Variants in PRRX1 observed in about 807,000 individuals in gnomAD.
PRRX1 encodes paired mesoderm homeobox protein 1.
Under a neutral mutation model 24.0 loss-of-function variants are expected in PRRX1, and 8 were observed. The ratio of observed to expected loss-of-function variants is 0.33; its 90% CI spans 0.20 to 0.60. PRRX1 has a LOEUF of 0.60. PRRX1 is among the 20% of genes least tolerant of loss of function. The pLI, the probability that PRRX1 is intolerant of heterozygous loss-of-function variation, is 0.82. For synonymous variants in PRRX1, 160 were observed against 131.7 expected (o/e 1.22, Z -1.47); for missense variants, 281 against 322.4 (o/e 0.87, Z 0.98).
At chr1:170,700,094 C>A (rs1330904325) in intron 1 of PRRX1, among the ~76,000 whole-genome samples, 1 of 152,140 alleles carries the variant, frequency 6.6e-6, no homozygotes, top group Non-Finnish European at 1.5e-5. Flanking sequence ...GGGTTACAAA[C>A]TTAAAAATGT....
Position 170,664,132 on chromosome 1 carries a change from C to G in PRRX1, c.-87C>G. ...CCACTACCCCCCTCTTTCTTCCCCA[C>G]TCGGCTCCTCTCCCCCCTCGCGCCC... is the stretch of plus-strand genomic sequence containing the variant. On this transcript the variant is annotated 5_prime_UTR_variant, in exon 1 of 4. Transcript: ENST00000239461. 1 of 1,329,424 alleles carries G rather than the reference C, an allele frequency of 7.5e-7. No homozygotes were observed. The highest frequency in any genetic ancestry group is 1.0e-6 in the Non-Finnish European group (1 of 972,958). 82.4% of individuals were successfully genotyped at this position (1,329,424 alleles called of 1,614,324 possible). A position where few individuals can be genotyped will look rare whatever the true frequency, so the allele number is the denominator to read the frequency against.
intron 2 of PRRX1, among the ~76,000 whole-genome samples, chr1:170,722,030 A>G (rs913453024): frequency 4.0e-5 from 6 of 151,246 alleles, no homozygotes; most frequent in Admixed American, 1.3e-4. Flanking sequence ...TCTTGCCCCT[A>G]TCATGACAGG....
At chr1:170,729,047 G>A (rs1244495294) in intron 3 of PRRX1, 1 of 152,174 alleles carries the variant, frequency 6.6e-6, no homozygotes, top group Non-Finnish European at 1.5e-5. Context: ...GCTCTGTCTT[G>A]CTGTGCTTCC....
intron 1 of PRRX1, among the ~76,000 whole-genome samples, chr1:170,708,425 T>C (rs1244635535): frequency 6.6e-6 from 1 of 152,112 alleles, no homozygotes; most frequent in African/African-American, 2.4e-5. Context: ...GGCTTAGGTG[T>C]GGTTGACAGG....
chr1:170,718,029 A>G (rs537061958), intron 1 of PRRX1, among the ~76,000 whole-genome samples: 2 of 152,246 alleles, frequency 1.3e-5, no homozygotes, highest in South Asian at 2.1e-4. Context: ...CCACAAGTGT[A>G]AAATACCAAA....
At position 170,674,724 on chromosome 1, in the gene PRRX1, C is replaced by T. The variant is rs145156602; in HGVS notation, c.241+10265C>T. On this transcript the variant is annotated intron_variant, in intron 1 of 3. Coordinates refer to ENST00000239461, the MANE Select transcript of PRRX1 (RefSeq NM_022716.4). ...TAATCCTTTTTTTTCTCCCCTCCTC[C>T]CCATCTCTGTTTTTGTAATCTTTAG... 3.9e-5 allele frequency among the ~76,000 whole-genome samples: 6 copies of T among 151,934 alleles called. No individual in the cohort carries two copies. The East Asian group carries it at 1.2e-3, about 29-fold the overall frequency.
chr1:170,678,875 C>T (rs190977667), intron 1 of PRRX1, among the ~76,000 whole-genome samples: 30 of 152,306 alleles, frequency 2.0e-4, no homozygotes, highest in African/African-American at 7.0e-4. Context: ...GGTTCACTTG[C>T]ATCAGAATGA....
At chr1:170,730,358 C>G in intron 3 of PRRX1, 6 of 1,600,168 alleles carry the variant, frequency 3.7e-6, no homozygotes, top group Non-Finnish European at 5.1e-6. Context: ...GGTAACTTGT[C>G]AGAGGGGGAA....
chr1:170,677,896 T>A (rs1212015385), intron 1 of PRRX1, among the ~76,000 whole-genome samples: 1 of 152,230 alleles, frequency 6.6e-6, no homozygotes, highest in African/African-American at 2.4e-5. Flanking sequence ...AGTTTCTGAA[T>A]TTTATAGAGA....
chr1:170,668,515 C>T (rs1014328536), intron 1 of PRRX1: 2 of 152,184 alleles, frequency 1.3e-5, no homozygotes, highest in Non-Finnish European at 2.9e-5. Flanking sequence ...GCTCCCGGGC[C>T]GCGGCGGGAT....
At chr1:170,708,295 A>C (rs1280972414) in intron 1 of PRRX1, among the ~76,000 whole-genome samples, 1 of 152,164 alleles carries the variant, frequency 6.6e-6, no homozygotes, top group Non-Finnish European at 1.5e-5. Flanking sequence ...ATTCCACATG[A>C]ATTTTTGGGT....
chr1:170,705,073 T>A (rs1343101722), intron 1 of PRRX1, among the ~76,000 whole-genome samples: 1 of 152,200 alleles, frequency 6.6e-6, no homozygotes, highest in Non-Finnish European at 1.5e-5. Context: ...TCTCACAATG[T>A]AATGGGAGAA....
chr1:170,697,844 A>G (rs937319677), intron 1 of PRRX1, among the ~76,000 whole-genome samples: 6 of 138,116 alleles, frequency 4.3e-5, no homozygotes, highest in Non-Finnish European at 9.8e-5. Flanking sequence ...ATATAGATAT[A>G]CAAATATGTA....
intron 1 of PRRX1, among the ~76,000 whole-genome samples, chr1:170,687,647 G>T (rs1653791501): frequency 6.6e-6 from 1 of 152,160 alleles, no homozygotes; most frequent in Non-Finnish European, 1.5e-5. Context: ...GATATGGTTA[G>T]CATTGTGCCT....
At chr1:170,706,228 G>T (rs1654563431) in intron 1 of PRRX1, among the ~76,000 whole-genome samples, 1 of 152,060 alleles carries the variant, frequency 6.6e-6, no homozygotes, top group Non-Finnish European at 1.5e-5. Context: ...TTGACCACAG[G>T]AATGTATATC....
chr1:170,686,109 A>C (rs1020398118), intron 1 of PRRX1, among the ~76,000 whole-genome samples: 3 of 150,566 alleles, frequency 2.0e-5, no homozygotes, highest in Non-Finnish European at 4.4e-5. Context: ...ACCAGCATTA[A>C]GCTCACTTAA....
At chr1:170,664,487 G>T (rs540087443) in intron 1 of PRRX1, 28 bp downstream of exon 1, 1 of 1,580,660 alleles carries the variant, frequency 6.3e-7, no homozygotes, top group Admixed American at 1.8e-5. Context: ...GCCCACGGGG[G>T]TGTGTGCCCG....
intron 1 of PRRX1, among the ~76,000 whole-genome samples, chr1:170,689,814 G>GTCTC (rs1174654159): frequency 2.2e-4 from 24 of 108,116 alleles, no homozygotes; most frequent in East Asian, 7.9e-4. Context: ...TTAATATTCC[G>GTCTC]TCTCTCTCTC....
At chr1:170,690,476 C>A (rs528899452) in intron 1 of PRRX1, among the ~76,000 whole-genome samples, 4 of 152,162 alleles carry the variant, frequency 2.6e-5, no homozygotes, top group African/African-American at 9.6e-5. Context: ...CTCCTTTGAA[C>A]CCTTCAGGTG....
Sources: allele counts gnomAD v4.1 joint callset (sites outside exome capture counted in the v4.1 genomes callset), GRCh38; gene constraint gnomAD v4.1.1; transcripts MANE v1.5; gene names NCBI Gene and HGNC (gene_info 2026-07-23, HGNC 2026-07-21).